The following ZFYVE26 variants were observed in gnomAD, a reference collection of about 807,000 sequenced individuals.
ZFYVE26 encodes the protein zinc finger FYVE domain-containing protein 26.
A neutral mutation model predicts 276.5 loss-of-function variants in ZFYVE26; 181 were observed. The observed-to-expected ratio is 0.65, with a 90% CI of 0.58 to 0.74. The LOEUF (loss-of-function observed/expected upper bound fraction) is 0.74, where lower values mean the gene tolerates loss of function less well. ZFYVE26 is among the 30% of genes least tolerant of loss of function. The probability of loss-of-function intolerance (pLI) is 0.00; values close to 1 mark genes in which losing one functional copy is unlikely to be tolerated. For synonymous variants in ZFYVE26, 1,129 were observed against 1,203.1 expected (o/e 0.94, Z 1.27); for missense variants, 2,821 against 3,097.9 (o/e 0.91, Z 2.12).
intron 28 of ZFYVE26, among the ~76,000 whole-genome samples, chr14:67,770,744 T>C (rs1054490330): frequency 1.3e-5 from 2 of 152,180 alleles, no homozygotes; most frequent in African/African-American, 4.8e-5. Flanking sequence ...CCAACTGTTG[T>C]CATTATTAGA....
chr14:67,776,529 C>A (rs954445589), intron 25 of ZFYVE26, among the ~76,000 whole-genome samples: 1 of 152,230 alleles, frequency 6.6e-6, no homozygotes, highest in Admixed American at 6.5e-5. Context: ...CTGCTCACGC[C>A]TGGCCTGGAC....
rs1238123805 is a variant in ZFYVE26, at chr14:67,789,663, G to A, written c.2756-65C>T. The A allele has an allele frequency of 1.9e-6, 3 of 1,601,410 alleles. No homozygotes were observed. The African/African-American group carries it at 4.0e-5, about 21-fold the overall frequency. ...AGGATTCTTACTACAACTTTTATTAGGTAAAGTAGTTACTTTCAAAATGTT... is the reference window on the plus strand; with the variant it reads ...AGGATTCTTACTACAACTTTTATTAAGTAAAGTAGTTACTTTCAAAATGTT... On this transcript the variant is annotated intron_variant, in intron 15 of 41. Coordinates refer to ENST00000347230, the MANE Select transcript of ZFYVE26 (RefSeq NM_015346.4).
chr14:67,761,182 CTT>C (rs1344510381), intron 35 of ZFYVE26, 182 bp downstream of exon 35: 1 of 714,578 alleles, frequency 1.4e-6, no homozygotes, highest in East Asian at 2.7e-5. Flanking sequence ...TAGGCTAAGA[CTT>C]TTCACACTCA....
chr14:67,759,639 A>AAAAAAAAAAAAAAAAAAT (rs2038883258), intron 35 of ZFYVE26, among the ~76,000 whole-genome samples: 1 of 150,934 alleles, frequency 6.6e-6, no homozygotes, highest in Non-Finnish European at 1.5e-5. Flanking sequence ...AAAAAAAAAA[A>AAAAAAAAAAAAAAAAAAT]GTGCATGGTA....
intron 3 of ZFYVE26, among the ~76,000 whole-genome samples, chr14:67,809,580 G>C (rs546666779): frequency 2.7e-5 from 4 of 150,434 alleles, no homozygotes; most frequent in Non-Finnish European, 4.4e-5. Context: ...GCACCACCAC[G>C]TCCAGCTAAT....
At position 67,778,549 on chromosome 14, in the gene ZFYVE26, C is replaced by T. The variant is rs998786974; in HGVS notation, c.4675-301G>A. ...CACCCATGCTATAAGAATGGGCAGG[C>T]CCAATGTTGTCAGACTTTAAAGTTA... On this transcript the variant is annotated intron_variant, in intron 23 of 41. Coordinates refer to ENST00000347230, the MANE Select transcript of ZFYVE26 (RefSeq NM_015346.4). Among the ~76,000 whole-genome samples, 12 of 152,142 alleles carry T rather than the reference C, an allele frequency of 7.9e-5. 1 individual carries two copies. Among genetic ancestry groups the T allele is most frequent in the Non-Finnish European group, 1.8e-4 (12 of 68,024 alleles).
Position 67,765,424 on chromosome 14 carries a change from G to A in ZFYVE26, c.6011+803C>T, listed in dbSNP as rs1201684349. 2.6e-5 allele frequency among the ~76,000 whole-genome samples: 4 copies of A among 152,126 alleles called. No individual in the cohort carries two copies. In the East Asian group the frequency reaches 7.7e-4, roughly 29 times the overall value. On this transcript the variant is annotated intron_variant, in intron 32 of 41. Coordinates refer to ENST00000347230, the MANE Select transcript of ZFYVE26 (RefSeq NM_015346.4). ...ACTGAGGCCTAGAGGGGTTAACAGA[G>A]CTAGGAAGTCGTGAAGCTGGGATTT...
At chr14:67,731,011 T>G (rs2038264267) in intron 13 of ZFYVE26, among the ~76,000 whole-genome samples, 1 of 152,164 alleles carries the variant, frequency 6.6e-6, no homozygotes, top group African/African-American at 2.4e-5. Flanking sequence ...TTTTTTATAT[T>G]GATTGCATGC....
At chr14:67,794,834 G>C (rs781187982) in intron 12 of ZFYVE26, among the ~76,000 whole-genome samples, 4 of 152,104 alleles carry the variant, frequency 2.6e-5, no homozygotes, top group Admixed American at 6.5e-5. Context: ...TGTAGTCCCA[G>C]CTACCCAGGA....
intron 28 of ZFYVE26, chr14:67,770,048 A>G (rs2039168025): frequency 1.2e-5 from 5 of 409,088 alleles, no homozygotes; most frequent in Non-Finnish European, 1.8e-5. Context: ...AAGCCAGTGC[A>G]GATCACATTT....
At chr14:67,766,510 G>A in intron 31 of ZFYVE26, 63 bp from the exon 32 acceptor site, 1 of 1,495,504 alleles carries the variant, frequency 6.7e-7, no homozygotes. Context: ...TTCTCCAAAG[G>A]CAGCTGGGTG....
At chr14:67,795,123 C>T (rs528623293) in intron 12 of ZFYVE26, among the ~76,000 whole-genome samples, 36 of 152,298 alleles carry the variant, frequency 2.4e-4, no homozygotes, top group African/African-American at 7.9e-4. Flanking sequence ...GCTGTCTCAG[C>T]CTCATGCAAG....
intron 31 of ZFYVE26, among the ~76,000 whole-genome samples, chr14:67,767,138 C>T (rs972283348): frequency 2.0e-5 from 3 of 152,088 alleles, no homozygotes; most frequent in African/African-American, 7.2e-5. Flanking sequence ...TGCTTTAAGC[C>T]ATGGACACAC....
At chr14:67,793,883 G>A in intron 13 of ZFYVE26, 124 bp from the exon 14 acceptor site, 1 of 1,366,770 alleles carries the variant, frequency 7.3e-7, no homozygotes, top group Non-Finnish European at 1.0e-6. Flanking sequence ...CCTGTAAATA[G>A]GTCTTAATTT....
downstream of ZFYVE26, among the ~76,000 whole-genome samples, chr14:67,743,305 T>C (rs1409516630): frequency 2.0e-5 from 3 of 151,924 alleles, no homozygotes; most frequent in Non-Finnish European, 2.9e-5. Context: ...CTGAGCAACA[T>C]GGTGAACAAA....
At position 67,762,252 on chromosome 14, in the gene ZFYVE26, T is replaced by A; in HGVS notation, c.6320A>T (p.Gln2107Leu). ...NQLNHGSRLVQDVVEYLESTV... is the reference protein window; with the variant it reads ...NQLNHGSRLVLDVVEYLESTV... Reference sequence around the variant, plus strand: ...GGACTCTAGGTACTCAACCACATCCTGCACCAGCCTTGAGCCATGATTCAG... The same window carrying A: ...GGACTCTAGGTACTCAACCACATCCAGCACCAGCCTTGAGCCATGATTCAG... The change falls in exon 34 of 42, where the codon CAG becomes CTG. Residue 2107 changes from glutamine (Q) to leucine (L), a missense_variant. Gln to Leu is a moderately radical substitution (Grantham distance 113, BLOSUM62 -2). Transcript: ENST00000347230. 1 of 1,614,190 alleles carries A rather than the reference T, an allele frequency of 6.2e-7. No individual in the cohort carries two copies. The highest frequency in any genetic ancestry group is 1.1e-5 in the South Asian group (1 of 91,082).
intron 17 of ZFYVE26, 30 bp downstream of exon 17, chr14:67,786,084 A>G (rs1269413941): frequency 1.9e-6 from 3 of 1,614,074 alleles, no homozygotes; most frequent in African/African-American, 2.7e-5. Context: ...TTCCAAGTCC[A>G]GGAGAAGAAA....
At chr14:67,765,136 T>A (rs1216857903) in intron 32 of ZFYVE26, among the ~76,000 whole-genome samples, 1 of 152,228 alleles carries the variant, frequency 6.6e-6, no homozygotes, top group Non-Finnish European at 1.5e-5. Flanking sequence ...TTTATCAACT[T>A]GAAAAATGAT....
At chr14:67,807,098 C>G (rs553702813) in intron 5 of ZFYVE26, among the ~76,000 whole-genome samples, 1 of 152,060 alleles carries the variant, frequency 6.6e-6, no homozygotes. Context: ...TGTGCCATCA[C>G]GCCTAGCTAA....
Sources: allele counts gnomAD v4.1 joint callset (sites outside exome capture counted in the v4.1 genomes callset), GRCh38; gene constraint gnomAD v4.1.1; transcripts MANE v1.5; gene names NCBI Gene and HGNC (gene_info 2026-07-23, HGNC 2026-07-21).